Variants in ZSCAN29 observed in about 807,000 individuals in gnomAD.
ZSCAN29 encodes the protein zinc finger and SCAN domain-containing protein 29.
Under a neutral mutation model 71.9 loss-of-function variants are expected in ZSCAN29, and 55 were observed. That is an observed-to-expected ratio of 0.76 (90% CI 0.62 to 0.96). The LOEUF is 0.96. ZSCAN29 is among the 40% of genes least tolerant of loss of function. The pLI, the probability that ZSCAN29 is intolerant of heterozygous loss-of-function variation, is 0.00. For synonymous variants in ZSCAN29, 351 were observed against 371.6 expected (o/e 0.94, Z 0.64); for missense variants, 1,042 against 1,042.2 (o/e 1.00, Z 0.00).
rs2043970518 is a variant in ZSCAN29 at position 43,360,807 on chromosome 15, G to A, written c.*266C>T. 2.4e-6 allele frequency: 1 copy of A among 418,638 alleles called. No homozygotes were observed. The highest frequency in any genetic ancestry group is 3.7e-5 in the East Asian group (1 of 26,810). The allele number at this position is 418,638 out of a possible 1,614,324, so 25.9% of individuals were successfully genotyped here. Reference sequence around the variant, plus strand: ...CTTGTCCTCTGTGCTTATATTAAGGGAACACCATAGGCACTGAGAGGGAAA... The same window carrying A: ...CTTGTCCTCTGTGCTTATATTAAGGAAACACCATAGGCACTGAGAGGGAAA... On this transcript the variant is annotated 3_prime_UTR_variant, in exon 6 of 6. Coordinates refer to ENST00000684362, the MANE Select transcript of ZSCAN29 (RefSeq NM_001372080.1).
In ZSCAN29 at chr15:43,360,787, C is replaced by A; in HGVS notation, c.*286G>T. Reference sequence around the variant, plus strand: ...AAATTCATAGGATCTATTACCTTGTCCTCTGTGCTTATATTAAGGGAACAC... The same window carrying A: ...AAATTCATAGGATCTATTACCTTGTACTCTGTGCTTATATTAAGGGAACAC... On this transcript the variant is annotated 3_prime_UTR_variant, in exon 6 of 6. Coordinates refer to ENST00000684362, the MANE Select transcript of ZSCAN29 (RefSeq NM_001372080.1). 2 of 364,820 alleles carry A rather than the reference C, an allele frequency of 5.5e-6. No individual in the cohort carries two copies. The highest frequency in any genetic ancestry group is 1.0e-5 in the Non-Finnish European group (2 of 200,272). The allele number at this position is 364,820 out of a possible 1,614,324, so 22.6% of individuals were successfully genotyped here.
intron 5 of ZSCAN29, among the ~76,000 whole-genome samples, chr15:43,363,101 C>A (rs914618411): frequency 6.6e-6 from 1 of 152,068 alleles, no homozygotes; most frequent in African/African-American, 2.4e-5. Context: ...CCTCAGCCAC[C>A]CAAGTAGCTG....
At chr15:43,365,505 T>C (rs2142731657) in intron 4 of ZSCAN29, among the ~76,000 whole-genome samples, 1 of 152,310 alleles carries the variant, frequency 6.6e-6, no homozygotes, top group Admixed American at 6.5e-5. Flanking sequence ...CTCACACCTG[T>C]AGTCCTAACT....
rs1417542674 is a variant in ZSCAN29, at chr15:43,371,004, G to GGCCCCA, written c.-560_-559insTGGGGC. ...CGGCCCCGGCCCCGGCCCCGGCCCC[G>GGCCCCA]GCTCTCCAGCCTCCCAAGTACAGCT... is the stretch of plus-strand genomic sequence containing the variant. On this transcript the variant is annotated 5_prime_UTR_variant, in exon 1 of 6. Coordinates refer to ENST00000684362, the MANE Select transcript of ZSCAN29 (RefSeq NM_001372080.1). 1 of 312,462 alleles carries GGCCCCA rather than the reference G, an allele frequency of 3.2e-6. No individual in the cohort carries two copies. The highest frequency in any genetic ancestry group is 5.9e-6 in the Non-Finnish European group (1 of 168,690). The allele number at this position is 312,462 out of a possible 1,614,324, so 19.4% of individuals were successfully genotyped here.
chr15:43,360,884 C>T lies in ZSCAN29; in HGVS notation c.*189G>A. The T allele has an allele frequency of 1.3e-6, 1 of 741,114 alleles. No individual in the cohort carries two copies. The highest frequency in any genetic ancestry group is 2.2e-6 in the Non-Finnish European group (1 of 462,522). The allele number at this position is 741,114 out of a possible 1,614,324, so 45.9% of individuals were successfully genotyped here. A position where few individuals can be genotyped will look rare whatever the true frequency, so the allele number is the denominator to read the frequency against. ...GGCAAAGAGAGGGACTGAAATCTTC[C>T]TTTCATTCTTTAGACTGCCTTGGGG... On this transcript the variant is annotated 3_prime_UTR_variant, in exon 6 of 6. Transcript: ENST00000684362.
In ZSCAN29 at chr15:43,366,358, T is replaced by G; in HGVS notation, c.974A>C (p.Glu325Ala). 1 of 1,613,842 alleles carries G rather than the reference T, an allele frequency of 6.2e-7. No individual in the cohort carries two copies. Residue 325 changes from glutamate (E) to alanine (A), a missense_variant, in exon 4 of 6, where the codon GAA (glutamate) becomes GCA (alanine). Glu to Ala is a moderately radical substitution (Grantham distance 107, BLOSUM62 -1). Transcript: ENST00000684362. ...GHPPETCPFFEEMEALMSAQV... is the reference protein window; with the variant it reads ...GHPPETCPFFAEMEALMSAQV... ...AGCACTCATCAGGGCTTCCATCTCT[T>G]CAAAGAAGGGGCAGGTCTCAGGTGG...
chr15:43,370,030 G>T lies in ZSCAN29; in HGVS notation c.-112-5C>A. The T allele has an allele frequency of 9.3e-7, 1 of 1,071,928 alleles. No individual in the cohort carries two copies. The highest frequency in any genetic ancestry group is 1.3e-6 in the Non-Finnish European group (1 of 754,972). The allele number at this position is 1,071,928 out of a possible 1,614,324, so 66.4% of individuals were successfully genotyped here. A position where few individuals can be genotyped will look rare whatever the true frequency, so the allele number is the denominator to read the frequency against. On this transcript the variant is annotated splice_polypyrimidine_tract_variant and splice_region_variant and intron_variant, in intron 1 of 5. Transcript: ENST00000684362. ...GACTGTAAGAGGTGTTTCTTCCTAGGGCAGAGAAAGATGGCACTATCAGAA... is the reference window on the plus strand; with the variant it reads ...GACTGTAAGAGGTGTTTCTTCCTAGTGCAGAGAAAGATGGCACTATCAGAA...
In ZSCAN29 at chr15:43,364,254, C is replaced by A; in HGVS notation, c.1351G>T (p.Glu451Ter). 1 of 1,614,212 alleles carries A rather than the reference C, an allele frequency of 6.2e-7. No homozygotes were observed. Among genetic ancestry groups the A allele is most frequent in the Non-Finnish European group, 8.5e-7 (1 of 1,180,036 alleles). ...LYGAVAERLWEYGFLRTPEQC... is the reference protein window; with the variant it reads ...LYGAVAERLW ...TCTGGGGTCCTAAGAAAGCCATATT[C>A]CCATAACCTCTCAGCCACTGCTCCA... The change falls in exon 5 of 6, where the codon GAA (glutamate) becomes TAA (stop). Residue 451 changes from glutamate to a stop codon, truncating the protein, a stop_gained. Coordinates refer to ENST00000684362, the MANE Select transcript of ZSCAN29 (RefSeq NM_001372080.1). LOFTEE classifies it high-confidence loss of function.
chr15:43,364,509 C>A (rs2044016572), intron 4 of ZSCAN29, 127 bp from the exon 5 acceptor site: 2 of 887,274 alleles, frequency 2.3e-6, no homozygotes, highest in African/African-American at 1.7e-5. Flanking sequence ...AGTAAAAATA[C>A]TTCATGTTTC....
chr15:43,367,327 A>G (rs1203263408), intron 3 of ZSCAN29, among the ~76,000 whole-genome samples: 2 of 152,082 alleles, frequency 1.3e-5, no homozygotes, highest in Admixed American at 6.6e-5. Flanking sequence ...TCACTGTTCT[A>G]CCTAACCGCA....
In ZSCAN29 at chr15:43,361,624, C is replaced by T. The variant is rs1230515260; in HGVS notation, c.2008G>A (p.Val670Ile). Reference sequence around the variant, plus strand: ...TATGGATTTTCCACCTGGTGGGATACCTGATGCATGAGAAGGGAGTTTGGA... The same window carrying T: ...TATGGATTTTCCACCTGGTGGGATATCTGATGCATGAGAAGGGAGTTTGGA... ...FGPNSLLMHQVSHQVENPYKC... is the reference protein window; with the variant it reads ...FGPNSLLMHQISHQVENPYKC... The change falls in exon 6 of 6, where the codon GTA becomes ATA. Residue 670 changes from valine to isoleucine, a missense_variant. Val to Ile is a conservative substitution (Grantham distance 29, BLOSUM62 3). Coordinates refer to ENST00000684362, the MANE Select transcript of ZSCAN29 (RefSeq NM_001372080.1). 8 of 1,614,072 alleles carry T rather than the reference C, an allele frequency of 5.0e-6. No individual in the cohort carries two copies. The Admixed American group carries it at 6.7e-5, about 13-fold the overall frequency.
chr15:43,363,848 T>C (rs1397330668), intron 5 of ZSCAN29, 67 bp downstream of exon 5: 2 of 1,450,594 alleles, frequency 1.4e-6, no homozygotes, highest in Non-Finnish European at 9.3e-7. Context: ...CTCAATCAGA[T>C]GATATTTTTC....
rs1479007386 is a variant in ZSCAN29, at chr15:43,369,953, G to A, written c.-40C>T. On this transcript the variant is annotated 5_prime_UTR_variant, in exon 2 of 6. Transcript: ENST00000684362. ...AGCTTCCCTTCGCTTAGGAGTCTGG[G>A]TTCCAGGGCTTACATCTATCTTCCC... 1 of 1,542,670 alleles carries A rather than the reference G, an allele frequency of 6.5e-7. No individual in the cohort carries two copies. The highest frequency in any genetic ancestry group is 8.7e-7 in the Non-Finnish European group (1 of 1,148,076).
In ZSCAN29 at chr15:43,358,179, T is replaced by C. The variant is rs2043950119; in HGVS notation, c.*2894A>G. The C allele has an allele frequency of 6.6e-6, 1 of 152,596 alleles. No homozygotes were observed. The allele number at this position is 152,596 out of a possible 1,614,324, so 9.5% of individuals were successfully genotyped here. A position where few individuals can be genotyped will look rare whatever the true frequency, so the allele number is the denominator to read the frequency against. On this transcript the variant is annotated 3_prime_UTR_variant, in exon 6 of 6. Coordinates refer to ENST00000684362, the MANE Select transcript of ZSCAN29 (RefSeq NM_001372080.1). ...ACTTCAAGAAACACCAGGCACTTTA[T>C]AGACATGATTTTTATTAATATGGTA...
rs1240920695 is a variant in ZSCAN29, at chr15:43,358,811, A to C, written c.*2262T>G. 2 of 152,230 alleles carry C rather than the reference A, an allele frequency of 1.3e-5. No individual in the cohort carries two copies. Among genetic ancestry groups the C allele is most frequent in the African/African-American group, 4.8e-5 (2 of 41,466 alleles). The allele number at this position is 152,230 out of a possible 1,614,324, so 9.4% of individuals were successfully genotyped here. A position where few individuals can be genotyped will look rare whatever the true frequency, so the allele number is the denominator to read the frequency against. On this transcript the variant is annotated 3_prime_UTR_variant, in exon 6 of 6. Coordinates refer to ENST00000684362, the MANE Select transcript of ZSCAN29 (RefSeq NM_001372080.1). ...AGTGGCAGTCAGCTGTTTCCTTATCAATAGTTATAGCGTAGTACCTGATTT... is the reference window on the plus strand; with the variant it reads ...AGTGGCAGTCAGCTGTTTCCTTATCCATAGTTATAGCGTAGTACCTGATTT...
intron 3 of ZSCAN29, among the ~76,000 whole-genome samples, chr15:43,368,247 C>T (rs541743270): frequency 3.8e-5 from 2 of 53,236 alleles, no homozygotes; most frequent in East Asian, 6.7e-4. Flanking sequence ...GGATCTTGGC[C>T]GGGCGCGGTG....
At position 43,368,899 on chromosome 15, in the gene ZSCAN29, T is replaced by C. The variant is rs1203881076; in HGVS notation, c.523+24A>G. 3.9e-6 allele frequency: 6 copies of C among 1,551,684 alleles called. No individual in the cohort carries two copies. The East Asian group carries it at 9.3e-5, about 24-fold the overall frequency. ...TCCCAACTTGGAATGGCAGTCTATC[T>C]TCCCATATGAATCTACTCCTCACCG... On this transcript the variant is annotated intron_variant, in intron 3 of 5. Transcript: ENST00000684362.
In ZSCAN29 at chr15:43,363,748, A is replaced by G. The variant is rs2044005984; in HGVS notation, c.1690+167T>C. 5.0e-6 allele frequency: 3 copies of G among 599,272 alleles called. No individual in the cohort carries two copies. The Admixed American group carries it at 9.5e-5, about 19-fold the overall frequency. The allele number at this position is 599,272 out of a possible 1,614,324, so 37.1% of individuals were successfully genotyped here. On this transcript the variant is annotated intron_variant, in intron 5 of 5. Coordinates refer to ENST00000684362, the MANE Select transcript of ZSCAN29 (RefSeq NM_001372080.1). ...TGTGGGAAGTCAAGTCACATAAATAATTTATATCCCCTCAGTGAGCTGCTT... is the reference window on the plus strand; with the variant it reads ...TGTGGGAAGTCAAGTCACATAAATAGTTTATATCCCCTCAGTGAGCTGCTT...
In ZSCAN29 at chr15:43,358,814, A is replaced by C. The variant is rs1202584939; in HGVS notation, c.*2259T>G. 6.6e-6 allele frequency: 1 copy of C among 152,228 alleles called. No homozygotes were observed. Among genetic ancestry groups the C allele is most frequent in the Non-Finnish European group, 1.5e-5 (1 of 68,026 alleles). 9.4% of individuals were successfully genotyped at this position (152,228 alleles called of 1,614,324 possible). A position where few individuals can be genotyped will look rare whatever the true frequency, so the allele number is the denominator to read the frequency against. On this transcript the variant is annotated 3_prime_UTR_variant, in exon 6 of 6. Transcript: ENST00000684362. Reference sequence around the variant, plus strand: ...GGCAGTCAGCTGTTTCCTTATCAATAGTTATAGCGTAGTACCTGATTTACT... The same window carrying C: ...GGCAGTCAGCTGTTTCCTTATCAATCGTTATAGCGTAGTACCTGATTTACT...
Sources: gnomAD v4.1 joint callset for allele counts (sites outside exome capture counted in the v4.1 genomes callset) on GRCh38, gnomAD v4.1.1 for gene constraint, MANE v1.5 for transcripts, NCBI Gene and HGNC (gene_info 2026-07-23, HGNC 2026-07-21) for gene names.